GRB2: variants seen among roughly 807,000 people sequenced by gnomAD.
The protein encoded by GRB2 is growth factor receptor bound protein 2.
Under a neutral mutation model 27.4 loss-of-function variants are expected in GRB2, and 2 were observed. That is an observed-to-expected ratio of 0.07 (90% CI 0.03 to 0.23). The LOEUF is 0.23. GRB2 is among the 10% of genes least tolerant of loss of function. The probability of loss-of-function intolerance (pLI) is 1.00; values close to 1 mark genes in which losing one functional copy is unlikely to be tolerated. For synonymous variants in GRB2, 94 were observed against 99.6 expected (o/e 0.94, Z 0.33); for missense variants, 102 against 282.4 (o/e 0.36, Z 4.58).
At chr17:75,374,089 C>A (rs1290507208) in intron 2 of GRB2, among the ~76,000 whole-genome samples, 1 of 151,676 alleles carries the variant, frequency 6.6e-6, no homozygotes, top group Non-Finnish European at 1.5e-5. Flanking sequence ...GCCACCGTGC[C>A]CTGCCAGGTA....
intron 3 of GRB2, among the ~76,000 whole-genome samples, chr17:75,327,679 T>C (rs919863500): frequency 5.3e-5 from 8 of 152,152 alleles, no homozygotes; most frequent in African/African-American, 1.9e-4. Context: ...AATTTACATA[T>C]CTTACTTATA....
intron 2 of GRB2, among the ~76,000 whole-genome samples, chr17:75,391,014 G>A (rs1474859292): frequency 1.3e-5 from 2 of 152,192 alleles, no homozygotes; most frequent in African/African-American, 4.8e-5. Context: ...TTTACTTCTT[G>A]AAGAATCAAA....
intron 2 of GRB2, among the ~76,000 whole-genome samples, chr17:75,349,597 G>A (rs560958681): frequency 4.5e-5 from 6 of 131,888 alleles, no homozygotes; most frequent in Admixed American, 9.4e-5. Flanking sequence ...TGCAACCCCC[G>A]CACCCTCTGC....
At chr17:75,385,046 A>AGC (rs1567874250) in intron 2 of GRB2, among the ~76,000 whole-genome samples, 16 of 84,686 alleles carry the variant, frequency 1.9e-4, no homozygotes, top group Admixed American at 1.1e-3. Flanking sequence ...AAAAAAAAAA[A>AGC]AAAAAAAAAA....
At chr17:75,340,525 T>C (rs932611278) in intron 2 of GRB2, among the ~76,000 whole-genome samples, 2 of 152,180 alleles carry the variant, frequency 1.3e-5, no homozygotes, top group Non-Finnish European at 2.9e-5. Context: ...AAAACACACA[T>C]GCATGCATGC....
intron 2 of GRB2, among the ~76,000 whole-genome samples, chr17:75,388,002 G>C (rs941467192): frequency 1.8e-4 from 28 of 152,100 alleles, no homozygotes; most frequent in African/African-American, 6.8e-4. Context: ...GCACCTATTT[G>C]GAAATAGTCC....
At chr17:75,330,025 G>C (rs993090079) in intron 3 of GRB2, among the ~76,000 whole-genome samples, 2 of 152,056 alleles carry the variant, frequency 1.3e-5, no homozygotes, top group African/African-American at 4.8e-5. Flanking sequence ...ATAGGCTGGA[G>C]TGCAGTGGCG....
intron 2 of GRB2, among the ~76,000 whole-genome samples, chr17:75,355,298 A>T (rs1598234708): frequency 2.0e-5 from 3 of 152,078 alleles, no homozygotes. Flanking sequence ...CATTTCTCTC[A>T]TCTCTGGGAG....
At chr17:75,338,581 T>C (rs1010649679) in intron 2 of GRB2, among the ~76,000 whole-genome samples, 1 of 152,216 alleles carries the variant, frequency 6.6e-6, no homozygotes, top group East Asian at 1.9e-4. Flanking sequence ...GTTATGACTT[T>C]GTAGCCACAC....
At chr17:75,363,336 C>T (rs1567867650) in intron 2 of GRB2, among the ~76,000 whole-genome samples, 1 of 152,164 alleles carries the variant, frequency 6.6e-6, no homozygotes, top group Non-Finnish European at 1.5e-5. Context: ...GCTACTTTTA[C>T]TTCCACACAG....
In GRB2 at chr17:75,393,620, G is replaced by C. The variant is rs1306685073; in HGVS notation, c.9C>G (p.Ala3=). The C allele has an allele frequency of 6.2e-7, 1 of 1,613,996 alleles. No individual in the cohort carries two copies. The highest frequency in any genetic ancestry group is 2.2e-5 in the East Asian group (1 of 44,878). ...TAGCTTTGAAGTCATATTTGGCGAT[G>C]GCTTCCATTCTGAGCGCTGCTCAGT... The part of the protein sequence containing the change: ME[A]IAKYDFKATA... Residue 3 remains alanine, a synonymous_variant, in exon 2 of 6, where the codon GCC becomes GCG. Transcript: ENST00000316804.
At chr17:75,355,838 T>A (rs1598235020) in intron 2 of GRB2, among the ~76,000 whole-genome samples, 1 of 143,434 alleles carries the variant, frequency 7.0e-6, no homozygotes, top group South Asian at 2.2e-4. Context: ...TTTTTTTTTT[T>A]AAAGAGACAG....
At chr17:75,355,858 C>G (rs1046835809) in intron 2 of GRB2, among the ~76,000 whole-genome samples, 1 of 134,626 alleles carries the variant, frequency 7.4e-6, no homozygotes, top group African/African-American at 2.8e-5. Context: ...GAGTCTTGCT[C>G]TGTCGCCTAG....
At chr17:75,322,694 T>A (rs560990497) in intron 4 of GRB2, among the ~76,000 whole-genome samples, 1 of 152,218 alleles carries the variant, frequency 6.6e-6, no homozygotes, top group East Asian at 1.9e-4. Flanking sequence ...CACACCCTTT[T>A]ATACTGGCAA....
At chr17:75,398,949 T>G (rs1371560479) in intron 1 of GRB2, among the ~76,000 whole-genome samples, 1 of 151,974 alleles carries the variant, frequency 6.6e-6, no homozygotes, top group Non-Finnish European at 1.5e-5. Flanking sequence ...GATTTCGCCA[T>G]GTTGCCCAGG....
In GRB2 at chr17:75,391,791, G is replaced by C. The variant is rs542638062; in HGVS notation, c.78+1760C>G. 2.9e-5 allele frequency among the ~76,000 whole-genome samples: 4 copies of C among 137,558 alleles called. No individual in the cohort carries two copies. In the South Asian group the frequency reaches 1.0e-3, roughly 34 times the overall value. The allele number at this position is 137,558 out of a possible 152,430, so 90.2% of individuals were successfully genotyped here. A position where few individuals can be genotyped will look rare whatever the true frequency, so the allele number is the denominator to read the frequency against. ...CCACCGCACTCCAGCCTGGGTGACA[G>C]AGCGAGACTCCATCTCAAAAAAAAA... On this transcript the variant is annotated intron_variant, in intron 2 of 5. Transcript: ENST00000316804.
chr17:75,326,149 C>G (rs2078497238), intron 3 of GRB2, 129 bp from the exon 4 acceptor site: 2 of 1,053,178 alleles, frequency 1.9e-6, no homozygotes, highest in African/African-American at 3.1e-5. Context: ...CCTCCAGCCT[C>G]ACAGTGCCCA....
chr17:75,346,583 T>TC (rs2078656754), intron 2 of GRB2, among the ~76,000 whole-genome samples: 1 of 136,670 alleles, frequency 7.3e-6, no homozygotes, highest in Admixed American at 7.3e-5. Flanking sequence ...CTTGCCTTTT[T>TC]TTTTTTTTTT....
chr17:75,352,145 T>G (rs940516860), intron 2 of GRB2, among the ~76,000 whole-genome samples: 7 of 152,222 alleles, frequency 4.6e-5, no homozygotes, highest in Admixed American at 4.6e-4. Context: ...GGTCCTGGCC[T>G]CCTTCAGGCA....
Sources: allele counts gnomAD v4.1 joint callset (sites outside exome capture counted in the v4.1 genomes callset), GRCh38; gene constraint gnomAD v4.1.1; transcripts MANE v1.5; gene names NCBI Gene and HGNC (gene_info 2026-07-23, HGNC 2026-07-21).